THOC2: variants seen among roughly 807,000 people sequenced by gnomAD.
The protein encoded by THOC2 is THO complex 2.
A neutral mutation model predicts 128.4 loss-of-function variants in THOC2; 10 were observed. The observed-to-expected ratio is 0.08, with a 90% CI of 0.05 to 0.13. The LOEUF is 0.13. Ranked by LOEUF, THOC2 falls within the 10% of genes least tolerant of loss-of-function variation. The probability of loss-of-function intolerance (pLI) is 1.00; values close to 1 mark genes in which losing one functional copy is unlikely to be tolerated. For missense variants in THOC2, 535 were observed against 1,155.7 expected (o/e 0.46, Z 7.79); for synonymous variants, 393 against 396.9 (o/e 0.99, Z 0.12).
At chrX:123,657,416 G>GTAAA (rs764312246) in intron 12 of THOC2, among the ~76,000 whole-genome samples, 98 of 109,613 alleles carry the variant, frequency 8.9e-4, no homozygotes, top group South Asian at 1.5e-3. Flanking sequence ...GATGCAAAAA[G>GTAAA]TAAATAAATA....
chrX:123,698,667 G>T (rs2050552872), intron 4 of THOC2, among the ~76,000 whole-genome samples: 1 of 108,122 alleles, frequency 9.2e-6, no homozygotes, highest in African/African-American at 3.4e-5. Flanking sequence ...CTGAGGTCAG[G>T]GGTTCAAGAC....
intron 16 of THOC2, among the ~76,000 whole-genome samples, chrX:123,639,343 T>C (rs2047813445): frequency 9.0e-6 from 1 of 111,655 alleles, no homozygotes; most frequent in Non-Finnish European, 1.9e-5. Flanking sequence ...CTTTGGGCGG[T>C]ATGGACATTT....
At chrX:123,634,254 T>C (rs779178110) in intron 19 of THOC2, among the ~76,000 whole-genome samples, 184 bp from the exon 20 acceptor site, 2 of 112,056 alleles carry the variant, frequency 1.8e-5, no homozygotes, top group Non-Finnish European at 3.8e-5. Flanking sequence ...CGTAAGTTTA[T>C]TTTAACTTTT....
chrX:123,655,377 C>T (rs907152446), intron 12 of THOC2, among the ~76,000 whole-genome samples: 1 of 111,750 alleles, frequency 8.9e-6, no homozygotes, highest in Non-Finnish European at 1.9e-5. Context: ...AAGTAGTAAA[C>T]ATCAGCCTCA....
chrX:123,642,730 A>C (rs1186563757), intron 15 of THOC2, among the ~76,000 whole-genome samples: 1 of 109,272 alleles, frequency 9.2e-6, no homozygotes, highest in Non-Finnish European at 1.9e-5. Flanking sequence ...AAAGAAAAAC[A>C]ATATTAATAT....
chrX:123,641,213 C>A (rs189059435), intron 15 of THOC2, among the ~76,000 whole-genome samples: 2 of 112,058 alleles, frequency 1.8e-5, no homozygotes, highest in Admixed American at 1.9e-4. Flanking sequence ...CAGCATTCTG[C>A]AAATTTTATC....
intron 1 of THOC2, 150 bp from the exon 2 acceptor site, chrX:123,713,058 T>C (rs546715287): frequency 1.1e-4 from 44 of 390,297 alleles, no homozygotes; most frequent in East Asian, 1.1e-3. Flanking sequence ...TGGTAACTCA[T>C]AGAAGATTAA....
At chrX:123,635,062 G>A (rs2047622514) in intron 19 of THOC2, among the ~76,000 whole-genome samples, 1 of 111,765 alleles carries the variant, frequency 8.9e-6, no homozygotes, top group South Asian at 3.7e-4. Context: ...CTTATTAAAT[G>A]TTTGTTCTCT....
At chrX:123,711,193 T>C (rs1259811620) in intron 2 of THOC2, among the ~76,000 whole-genome samples, 3 of 102,858 alleles carry the variant, frequency 2.9e-5, no homozygotes, top group African/African-American at 1.1e-4. Context: ...TAATTTTTTT[T>C]TGTTTTTGTT....
chrX:123,667,442 T>C (rs901040213), intron 10 of THOC2, among the ~76,000 whole-genome samples, 164 bp from the exon 11 acceptor site: 5 of 111,953 alleles, frequency 4.5e-5, no homozygotes, highest in African/African-American at 1.6e-4. Context: ...TTTTTAGCTA[T>C]TGAAAAAACA....
intron 7 of THOC2, among the ~76,000 whole-genome samples, chrX:123,687,310 C>T (rs1337485687): frequency 1.8e-5 from 2 of 111,604 alleles, no homozygotes; most frequent in Non-Finnish European, 3.8e-5. Flanking sequence ...GCTATTTATC[C>T]TAACAGATCA....
At chrX:123,640,928 C>G (rs998803849) in intron 15 of THOC2, among the ~76,000 whole-genome samples, 1 of 111,777 alleles carries the variant, frequency 8.9e-6, no homozygotes. Context: ...GTACATAAAA[C>G]TCTTCTTACA....
chrX:123,694,977 A>G (rs2050393832), intron 7 of THOC2, among the ~76,000 whole-genome samples: 2 of 112,458 alleles, frequency 1.8e-5, no homozygotes, highest in South Asian at 7.3e-4. Flanking sequence ...TAAATAAACA[A>G]AAATTTAAAA....
chrX:123,619,323 G>C, intron 33 of THOC2, 78 bp downstream of exon 33: 1 of 582,039 alleles, frequency 1.7e-6, no homozygotes, highest in Non-Finnish European at 2.8e-6. Flanking sequence ...GAATGTACTA[G>C]GGTGAGGACA....
At chrX:123,603,082 A>C (rs1043138510) in intron 38 of THOC2, 2 of 110,843 alleles carry the variant, frequency 1.8e-5, no homozygotes, top group Non-Finnish European at 3.8e-5. Flanking sequence ...AATTGCAAAA[A>C]AAAAAAAAGT....
intron 1 of THOC2, among the ~76,000 whole-genome samples, chrX:123,728,842 G>T (rs2052108789): frequency 1.8e-5 from 2 of 112,080 alleles, no homozygotes; most frequent in African/African-American, 6.5e-5. Flanking sequence ...CAAACAAACA[G>T]ATGATATTCA....
chrX:123,684,970 A>T (rs2049946423), intron 8 of THOC2, among the ~76,000 whole-genome samples: 1 of 112,610 alleles, frequency 8.9e-6, no homozygotes, highest in Admixed American at 9.4e-5. Flanking sequence ...CCTAGCAAAC[A>T]GCATAATCAT....
intron 8 of THOC2, among the ~76,000 whole-genome samples, chrX:123,684,769 T>C (rs752147506): frequency 6.6e-4 from 74 of 112,490 alleles, no homozygotes; most frequent in Non-Finnish European, 2.3e-4. Flanking sequence ...TGAAAAGCTA[T>C]ATGCTTTTAA....
At chrX:123,647,239 T>C (rs2048163050) in intron 12 of THOC2, among the ~76,000 whole-genome samples, 1 of 112,159 alleles carries the variant, frequency 8.9e-6, no homozygotes, top group African/African-American at 3.2e-5. Context: ...ATGTACAAAA[T>C]TAAATCAAGA....
Sources: allele counts gnomAD v4.1 joint callset (sites outside exome capture counted in the v4.1 genomes callset), GRCh38; gene constraint gnomAD v4.1.1; transcripts MANE v1.5; gene names NCBI Gene and HGNC (gene_info 2026-07-23, HGNC 2026-07-21).